Variants in PDXDC1 observed in about 807,000 individuals in gnomAD.
PDXDC1 encodes pyridoxal dependent decarboxylase domain containing 1.
Under a neutral mutation model 100.1 loss-of-function variants are expected in PDXDC1, and 42 were observed. The ratio of observed to expected loss-of-function variants is 0.42; its 90% CI spans 0.33 to 0.54. PDXDC1 has a LOEUF of 0.54. PDXDC1 is among the 20% of genes least tolerant of loss of function. PDXDC1 has a pLI of 0.10. For synonymous variants in PDXDC1, 260 were observed against 371.7 expected, an observed-to-expected ratio of 0.70 and a Z score of 3.46; for missense variants, 636 against 979.2, an observed-to-expected ratio of 0.65 and a Z score of 4.68.
At chr16:15,143,016 G>A (rs1260571494), downstream of PDXDC1, among the ~76,000 whole-genome samples, 1 of 152,188 alleles carries the variant, frequency 6.6e-6, no homozygotes, top group Admixed American at 6.5e-5. Flanking sequence ...CACAGGGACA[G>A]CCTGATGGGT....
chr16:15,074,677 C>G lies in PDXDC1; in HGVS notation c.1399+44621C>G, dbSNP rs764806660. The G allele has an allele frequency of 3.3e-6, 5 of 1,496,528 alleles. No individual in the cohort carries two copies. The South Asian group carries it at 6.1e-5, about 18-fold the overall frequency. 92.7% of individuals were successfully genotyped at this position (1,496,528 alleles called of 1,614,324 possible). A position where few individuals can be genotyped will look rare whatever the true frequency, so the allele number is the denominator to read the frequency against. On this transcript the variant is annotated intron_variant, in intron 16 of 16. Coordinates refer to the PDXDC1 transcript ENST00000535621. ...GGATGGAAAATGCCCAGCACAAAGC[C>G]AGGTACACTGCAGGTGTTCAATAAA...
intron 16 of PDXDC1, among the ~76,000 whole-genome samples, chr16:15,091,790 T>C (rs967006845): frequency 2.0e-4 from 30 of 152,208 alleles, no homozygotes; most frequent in African/African-American, 6.3e-4. Flanking sequence ...TGAGATACAG[T>C]AGAAATGCTT....
At chr16:15,025,217 C>G (rs1597603669) in intron 13 of PDXDC1, 2 of 152,504 alleles carry the variant, frequency 1.3e-5, no homozygotes, top group African/African-American at 4.8e-5. Flanking sequence ...ACCCTGTATA[C>G]TATTTCTTAC....
chr16:15,019,129 C>T (rs1422815342), intron 12 of PDXDC1, among the ~76,000 whole-genome samples, 164 bp downstream of exon 12: 2 of 152,282 alleles, frequency 1.3e-5, no homozygotes, highest in Middle Eastern at 3.2e-3. Context: ...GTTCAAAGTT[C>T]TGGGAGAAAG....
intron 1 of PDXDC1, among the ~76,000 whole-genome samples, chr16:14,981,646 G>A (rs1394854052): frequency 1.3e-5 from 2 of 152,264 alleles, no homozygotes; most frequent in Non-Finnish European, 2.9e-5. Context: ...CTGCAGTAGT[G>A]GTCTCTGGGA....
intron 16 of PDXDC1, among the ~76,000 whole-genome samples, chr16:15,100,382 T>A (rs577073686): frequency 6.6e-6 from 1 of 152,362 alleles, no homozygotes; most frequent in East Asian, 1.9e-4. Flanking sequence ...CATATATGTG[T>A]ATGTATACAT....
intron 16 of PDXDC1, chr16:15,137,600 C>T: frequency 7.3e-7 from 1 of 1,372,794 alleles, no homozygotes. Flanking sequence ...CCCACACACC[C>T]CCATCCGCCC....
intron 16 of PDXDC1, chr16:15,135,456 T>G (rs2048304076): frequency 8.1e-7 from 1 of 1,231,552 alleles, no homozygotes; most frequent in East Asian, 2.5e-5. Flanking sequence ...AGGGGCGACG[T>G]GGCCCGAGAA....
intron 13 of PDXDC1, 68 bp downstream of exon 13, chr16:15,022,822 T>A: frequency 8.5e-7 from 1 of 1,177,096 alleles, no homozygotes; most frequent in Admixed American, 2.3e-5. Flanking sequence ...TTTGAATGAT[T>A]TTAGAACTTT....
chr16:15,135,073 A>G (rs930827392), intron 16 of PDXDC1: 2 of 583,560 alleles, frequency 3.4e-6, no homozygotes, highest in African/African-American at 3.7e-5. Context: ...TCACTAGAGC[A>G]TATGTGGCTT....
At chr16:15,104,462 A>C in intron 16 of PDXDC1, 2 of 679,526 alleles carry the variant, frequency 2.9e-6, no homozygotes, top group East Asian at 4.1e-5. Flanking sequence ...AAGGGGAGTG[A>C]GCAGACACAC....
intron 16 of PDXDC1, chr16:15,048,147 T>G: frequency 7.4e-7 from 1 of 1,349,690 alleles, no homozygotes; most frequent in South Asian, 1.2e-5. Context: ...TTAGTGAGGA[T>G]GGAAAAACTA....
chr16:15,133,660 G>C (rs1242196145), intron 16 of PDXDC1: 23 of 1,534,230 alleles, frequency 1.5e-5, no homozygotes, highest in Non-Finnish European at 1.8e-5. Flanking sequence ...GCAGCAGCAG[G>C]GCGTACACCA....
At chr16:15,125,683 G>C in intron 16 of PDXDC1, 7 of 1,365,792 alleles carry the variant, frequency 5.1e-6, no homozygotes, top group Non-Finnish European at 7.3e-6. Context: ...CCCCAGTAGA[G>C]CCCTCACCTC....
Position 15,036,325 on chromosome 16 carries a change from G to C in PDXDC1, c.*50G>C, listed in dbSNP as rs1456058730. 3 of 1,504,014 alleles carry C rather than the reference G, an allele frequency of 2.0e-6. No homozygotes were observed. The highest frequency in any genetic ancestry group is 2.7e-6 in the Non-Finnish European group (3 of 1,100,060). 93.2% of individuals were successfully genotyped at this position (1,504,014 alleles called of 1,614,324 possible). On this transcript the variant is annotated 3_prime_UTR_variant, in exon 23 of 23. Transcript: ENST00000396410. ...TACTGAGTATTGTTTCAGGGAAGAT[G>C]AAGTTCTATTGGAAATGTGAACTGT...
chr16:14,990,707 TG>T (rs1419129949), intron 1 of PDXDC1, among the ~76,000 whole-genome samples: 1 of 152,386 alleles, frequency 6.6e-6, no homozygotes, highest in East Asian at 1.9e-4. Context: ...CACTCCCCCC[TG>T]GGCTTACTCC....
chr16:14,999,336 G>A (rs377290471), intron 3 of PDXDC1, among the ~76,000 whole-genome samples: 1 of 152,316 alleles, frequency 6.6e-6, no homozygotes, highest in Admixed American at 6.5e-5. Context: ...CAAAGTGCTG[G>A]GACTACAGGC....
chr16:15,124,031 G>T (rs2047568607), intron 16 of PDXDC1, among the ~76,000 whole-genome samples: 1 of 152,034 alleles, frequency 6.6e-6, no homozygotes, highest in South Asian at 2.1e-4. Flanking sequence ...CCCAAATGAG[G>T]GGGAGAAAAC....
At chr16:15,106,359 T>G in intron 16 of PDXDC1, 2 of 609,422 alleles carry the variant, frequency 3.3e-6, no homozygotes, top group South Asian at 3.7e-5. Flanking sequence ...AAAGCACCAC[T>G]TTCAGGATGA....
Sources: allele counts gnomAD v4.1 joint callset (sites outside exome capture counted in the v4.1 genomes callset), GRCh38; gene constraint gnomAD v4.1.1; transcripts MANE v1.5; gene names NCBI Gene and HGNC (gene_info 2026-07-23, HGNC 2026-07-21).